Variants in CSPP1 observed in about 807,000 individuals in gnomAD.
CSPP1 encodes centrosome and spindle pole-associated protein 1.
Under a neutral mutation model 164.4 loss-of-function variants are expected in CSPP1, and 126 were observed. The observed-to-expected ratio is 0.77, with a 90% CI of 0.66 to 0.89. The LOEUF is 0.89. Ranked by LOEUF, CSPP1 falls within the 40% of genes least tolerant of loss-of-function variation. The pLI is 0.00. For missense variants in CSPP1, 1,395 were observed against 1,449.8 expected (o/e 0.96, Z 0.61); for synonymous variants, 472 against 476.7 (o/e 0.99, Z 0.13).
chr8:67,128,432 G>A (rs1405459357), intron 15 of CSPP1, among the ~76,000 whole-genome samples: 7 of 151,794 alleles, frequency 4.6e-5, no homozygotes, highest in African/African-American at 7.3e-5. Context: ...CTAGCTACTC[G>A]GGAGGCTGAG....
chr8:67,068,066 C>T (rs527644490), intron 1 of CSPP1, among the ~76,000 whole-genome samples: 1 of 152,108 alleles, frequency 6.6e-6, no homozygotes, highest in African/African-American at 2.4e-5. Flanking sequence ...CCAGACTGGT[C>T]TCAAACTCCT....
chr8:67,169,718 G>A (rs1235503147), intron 24 of CSPP1, among the ~76,000 whole-genome samples: 1 of 152,032 alleles, frequency 6.6e-6, no homozygotes, highest in South Asian at 2.1e-4. Flanking sequence ...GGGATTACAG[G>A]TGTGAGCCAC....
intron 29 of CSPP1, among the ~76,000 whole-genome samples, chr8:67,191,133 G>A (rs534463081): frequency 7.9e-5 from 12 of 152,160 alleles, no homozygotes; most frequent in Non-Finnish European, 1.6e-4. Context: ...TCGGTCAAAT[G>A]ACTTGCCAAG....
intron 28 of CSPP1, among the ~76,000 whole-genome samples, chr8:67,182,366 G>C (rs1051758720): frequency 6.6e-6 from 1 of 151,606 alleles, no homozygotes; most frequent in Admixed American, 6.6e-5. Context: ...TGTGTACCAC[G>C]TTTTGTTTAT....
At chr8:67,140,306 A>C (rs1823247103) in intron 17 of CSPP1, among the ~76,000 whole-genome samples, 2 of 152,074 alleles carry the variant, frequency 1.3e-5, no homozygotes, top group Admixed American at 1.3e-4. Context: ...GCTGGTCTCA[A>C]ACTCCTGACC....
intron 1 of CSPP1, among the ~76,000 whole-genome samples, chr8:67,066,725 T>TTA (rs1201960499): frequency 1.3e-5 from 2 of 152,116 alleles, no homozygotes; most frequent in East Asian, 1.9e-4. Flanking sequence ...AGAATCATGT[T>TTA]TATATATATA....
intron 16 of CSPP1, among the ~76,000 whole-genome samples, chr8:67,136,277 A>C (rs2129554947): frequency 6.6e-6 from 1 of 152,298 alleles, no homozygotes; most frequent in South Asian, 2.1e-4. Flanking sequence ...TTTGTAAAAA[A>C]TGCAATATCT....
chr8:67,111,327 G>A (rs1471127967), intron 9 of CSPP1, among the ~76,000 whole-genome samples: 1 of 152,166 alleles, frequency 6.6e-6, no homozygotes, highest in Admixed American at 6.6e-5. Context: ...CAGAGTGCCA[G>A]TTTGATTAGT....
chr8:67,191,147 A>G (rs1452286484), intron 29 of CSPP1, among the ~76,000 whole-genome samples: 3 of 152,228 alleles, frequency 2.0e-5, no homozygotes, highest in Non-Finnish European at 4.4e-5. Flanking sequence ...TGCCAAGGTC[A>G]CATGGGCAAG....
chr8:67,102,565 G>A (rs1814355292), intron 7 of CSPP1, among the ~76,000 whole-genome samples: 1 of 152,054 alleles, frequency 6.6e-6, no homozygotes, highest in African/African-American at 2.4e-5. Context: ...ACTCCAGCCT[G>A]GCGACACAGC....
In CSPP1 at chr8:67,095,272, TTTTC is replaced by T. The variant is rs1174281931; in HGVS notation, c.484-17_484-14del. Reference sequence around the variant, plus strand: ...AGTTTCTTGTCAAGTTTTGTTTCTTTTTTCTTTTTTAATTGAACAGCCCAAGAGT... The same window carrying T: ...AGTTTCTTGTCAAGTTTTGTTTCTTTTTTTTTAATTGAACAGCCCAAGAGT... On this transcript the variant is annotated splice_polypyrimidine_tract_variant and intron_variant, in intron 6 of 30. Coordinates refer to ENST00000678616, the MANE Select transcript of CSPP1 (RefSeq NM_001382391.1). 1 of 1,497,304 alleles carries T rather than the reference TTTTC, an allele frequency of 6.7e-7. No individual in the cohort carries two copies. The highest frequency in any genetic ancestry group is 1.4e-5 in the African/African-American group (1 of 71,180). 92.8% of individuals were successfully genotyped at this position (1,497,304 alleles called of 1,614,324 possible).
At chr8:67,189,082 C>T (rs1835482621) in intron 28 of CSPP1, among the ~76,000 whole-genome samples, 2 of 152,126 alleles carry the variant, frequency 1.3e-5, no homozygotes, top group African/African-American at 4.8e-5. Context: ...CCACCACATA[C>T]CTGCTAGAAT....
At chr8:67,104,695 C>T (rs1034610102) in intron 8 of CSPP1, among the ~76,000 whole-genome samples, 6 of 151,142 alleles carry the variant, frequency 4.0e-5, no homozygotes, top group Admixed American at 1.3e-4. Context: ...TGGAGTGCAG[C>T]GGCACGATCT....
intron 19 of CSPP1, among the ~76,000 whole-genome samples, chr8:67,156,047 G>A (rs1166269306): frequency 6.6e-6 from 1 of 152,110 alleles, no homozygotes; most frequent in African/African-American, 2.4e-5. Context: ...ATGACAGCAG[G>A]TCATAATTTA....
At chr8:67,108,122 G>C (rs1563574983) in intron 9 of CSPP1, among the ~76,000 whole-genome samples, 1 of 151,606 alleles carries the variant, frequency 6.6e-6, no homozygotes, top group East Asian at 1.9e-4. Flanking sequence ...TGGGTGTGGT[G>C]GCTCACACCT....
intron 17 of CSPP1, among the ~76,000 whole-genome samples, chr8:67,138,925 T>G (rs903864996): frequency 2.6e-4 from 39 of 152,332 alleles, no homozygotes; most frequent in African/African-American, 9.4e-4. Context: ...TGGTTTTAGA[T>G]CTAACATTTA....
intron 3 of CSPP1, among the ~76,000 whole-genome samples, chr8:67,082,752 T>G (rs555055605): frequency 6.6e-6 from 1 of 152,326 alleles, no homozygotes; most frequent in African/African-American, 2.4e-5. Flanking sequence ...ACAACTGTTA[T>G]AGAAACCAAA....
At chr8:67,098,525 C>T (rs917942627) in intron 7 of CSPP1, among the ~76,000 whole-genome samples, 37 of 151,852 alleles carry the variant, frequency 2.4e-4, no homozygotes, top group Admixed American at 3.3e-4. Context: ...TCACTGACAG[C>T]ATTCTTAATT....
chr8:67,168,353 G>A (rs1829880111), intron 24 of CSPP1, among the ~76,000 whole-genome samples: 1 of 151,096 alleles, frequency 6.6e-6, no homozygotes, highest in Non-Finnish European at 1.5e-5. Flanking sequence ...AGAGGGAGAG[G>A]GAGACCTAAC....
Sources: allele counts gnomAD v4.1 joint callset (sites outside exome capture counted in the v4.1 genomes callset), GRCh38; gene constraint gnomAD v4.1.1; transcripts MANE v1.5; gene names NCBI Gene and HGNC (gene_info 2026-07-23, HGNC 2026-07-21).